Variants in KCNA2 observed in about 807,000 individuals in gnomAD.
KCNA2 encodes the protein potassium voltage-gated channel subfamily A member 2.
A neutral mutation model predicts 33.4 loss-of-function variants in KCNA2; 11 were observed. That is an observed-to-expected ratio of 0.33 (90% CI 0.21 to 0.55). KCNA2 has a LOEUF of 0.55. Among genes scored for constraint, KCNA2 ranks in the 20% least tolerant of loss-of-function variants. The pLI, the probability that KCNA2 is intolerant of heterozygous loss-of-function variation, is 0.93. For missense variants in KCNA2, 291 were observed against 621.6 expected, an observed-to-expected ratio of 0.47 and a Z score of 5.66; for synonymous variants, 222 against 231.3, an observed-to-expected ratio of 0.96 and a Z score of 0.37.
At position 110,604,639 on chromosome 1, in the gene KCNA2, T is replaced by C. The variant is rs369373711; in HGVS notation, c.144A>G (p.Leu48=). ...TCTCTGGAAACTGGGCTAAGGTCTTTAGCTGGGTCTCAAACCGCAGCCCTG... is the reference window on the plus strand; with the variant it reads ...TCTCTGGAAACTGGGCTAAGGTCTTCAGCTGGGTCTCAAACCGCAGCCCTG... The part of the protein sequence containing the change: ...NISGLRFETQ[L]KTLAQFPETL... Residue 48 remains leucine (L), a synonymous_variant, in exon 3 of 3, where the codon CTA becomes CTG. Coordinates refer to ENST00000316361, the MANE Select transcript of KCNA2 (RefSeq NM_004974.4). This position sits in a 1 kb window ranked among gnomAD's most constrained non-coding sequence, Gnocchi z 7.6. The C allele has an allele frequency of 3.1e-6, 5 of 1,614,094 alleles. No individual in the cohort carries two copies. In the African/African-American group the frequency reaches 6.7e-5, roughly 22 times the overall value.
rs114094767 is a variant in KCNA2 at position 110,620,849 on chromosome 1, G to C, written c.-496+10546C>G. Among the ~76,000 whole-genome samples the C allele has an allele frequency of 1.6e-3, 246 of 152,312 alleles. 1 individual carries two copies. The highest frequency in any genetic ancestry group is 5.6e-3 in the African/African-American group (232 of 41,568). On this transcript the variant is annotated intron_variant, in intron 1 of 4. Coordinates refer to the KCNA2 transcript ENST00000369770. Reference sequence around the variant, plus strand: ...AAACAAACTGCTCTTATTATGTAATGATGAGTGAGTGCGTCTATCCACCGT... The same window carrying C: ...AAACAAACTGCTCTTATTATGTAATCATGAGTGAGTGCGTCTATCCACCGT...
rs1648991558 is a variant in KCNA2, at chr1:110,594,264, T to TG, written c.*9018dup. On this transcript the variant is annotated 3_prime_UTR_variant, in exon 3 of 3. Coordinates refer to ENST00000316361, the MANE Select transcript of KCNA2 (RefSeq NM_004974.4). ...TCTGTGCTGCATGAGCCTAAGTGAG[T>TG]GGCGGCCATTTCCTCTCTCTCTCTC... The TG allele has an allele frequency of 1.0e-6, 1 of 1,002,120 alleles. No individual in the cohort carries two copies. Among genetic ancestry groups the TG allele is most frequent in the East Asian group, 1.0e-4 (1 of 9,624 alleles). 62.1% of individuals were successfully genotyped at this position (1,002,120 alleles called of 1,614,324 possible). A position where few individuals can be genotyped will look rare whatever the true frequency, so the allele number is the denominator to read the frequency against.
intron 1 of KCNA2, among the ~76,000 whole-genome samples, chr1:110,623,279 C>A (rs1247710871): frequency 6.6e-6 from 1 of 152,120 alleles, no homozygotes; most frequent in African/African-American, 2.4e-5. Context: ...GTACATAGAC[C>A]TTTTCCTAAT....
At chr1:110,622,693 C>G (rs1290628752) in intron 1 of KCNA2, among the ~76,000 whole-genome samples, 3 of 151,984 alleles carry the variant, frequency 2.0e-5, no homozygotes, top group African/African-American at 7.2e-5. Context: ...TTTCTAAATA[C>G]AACAAACAAT....
In KCNA2 at chr1:110,602,959, T is replaced by C; in HGVS notation, c.*324A>G. On this transcript the variant is annotated 3_prime_UTR_variant, in exon 3 of 3. Coordinates refer to ENST00000316361, the MANE Select transcript of KCNA2 (RefSeq NM_004974.4). ...GTGCATCTCTTGGATGTTGTGTGCA[T>C]TTCATTAGGAAGGAATGATGGCACT... 2 of 1,099,168 alleles carry C rather than the reference T, an allele frequency of 1.8e-6. No individual in the cohort carries two copies. The highest frequency in any genetic ancestry group is 1.1e-6 in the Non-Finnish European group (1 of 903,846). 68.1% of individuals were successfully genotyped at this position (1,099,168 alleles called of 1,614,324 possible).
chr1:110,596,343 A>G lies in KCNA2; in HGVS notation c.*6940T>C. The G allele has an allele frequency of 2.6e-6, 1 of 386,268 alleles. No homozygotes were observed. The highest frequency in any genetic ancestry group is 3.5e-6 in the Non-Finnish European group (1 of 283,658). The allele number at this position is 386,268 out of a possible 1,614,324, so 23.9% of individuals were successfully genotyped here. A position where few individuals can be genotyped will look rare whatever the true frequency, so the allele number is the denominator to read the frequency against. ...ATACATATATACATATACTATATAT[A>G]TATATATACACACATAAATATATGT... On this transcript the variant is annotated 3_prime_UTR_variant, in exon 3 of 3. Coordinates refer to ENST00000316361, the MANE Select transcript of KCNA2 (RefSeq NM_004974.4).
intron 1 of KCNA2, among the ~76,000 whole-genome samples, chr1:110,613,559 C>T (rs2101438426): frequency 6.6e-6 from 1 of 152,272 alleles, no homozygotes; most frequent in Admixed American, 6.5e-5. Context: ...ACTTGAGTTG[C>T]CACAGGGCCA....
At chr1:110,611,724 T>G (rs2101432903) in intron 1 of KCNA2, among the ~76,000 whole-genome samples, 1 of 125,432 alleles carries the variant, frequency 8.0e-6, no homozygotes, top group Middle Eastern at 3.8e-3. Context: ...AGATCCTGTC[T>G]TGAAAAAAAA....
rs1014443817 is a variant in KCNA2 at position 110,600,546 on chromosome 1, C to T, written c.*2737G>A. 2.2e-5 allele frequency: 22 copies of T among 985,012 alleles called. No homozygotes were observed. Among genetic ancestry groups the T allele is most frequent in the East Asian group, 2.3e-4 (2 of 8,818 alleles). The allele number at this position is 985,012 out of a possible 1,614,324, so 61.0% of individuals were successfully genotyped here. A position where few individuals can be genotyped will look rare whatever the true frequency, so the allele number is the denominator to read the frequency against. ...TAACCTGGTCTGTCTGTATTTTGCA[C>T]GTTACATGTTTTATGTTTGTGTGTG... On this transcript the variant is annotated 3_prime_UTR_variant, in exon 3 of 3. Coordinates refer to ENST00000316361, the MANE Select transcript of KCNA2 (RefSeq NM_004974.4).
chr1:110,617,954 G>A (rs1054235709), intron 1 of KCNA2, among the ~76,000 whole-genome samples: 2 of 152,136 alleles, frequency 1.3e-5, no homozygotes, highest in African/African-American at 2.4e-5. Context: ...TAGAGGGTAG[G>A]GAATGGAGAG....
chr1:110,630,494 G>A (rs74120010), intron 1 of KCNA2, among the ~76,000 whole-genome samples: 6,179 of 152,220 alleles, frequency 0.041, 433 homozygotes, highest in African/African-American at 0.14. Flanking sequence ...ACACAGAATG[G>A]GTGCTCAGTA....
rs1011998288 is a variant in KCNA2, at chr1:110,602,293, T to A, written c.*990A>T. The A allele has an allele frequency of 2.0e-6, 3 of 1,482,042 alleles. No homozygotes were observed. Among genetic ancestry groups the A allele is most frequent in the Non-Finnish European group, 2.7e-6 (3 of 1,120,922 alleles). The allele number at this position is 1,482,042 out of a possible 1,614,324, so 91.8% of individuals were successfully genotyped here. On this transcript the variant is annotated 3_prime_UTR_variant, in exon 3 of 3. Coordinates refer to ENST00000316361, the MANE Select transcript of KCNA2 (RefSeq NM_004974.4). ...CTTCTGATGGGAAAAAAACCCCTAG[T>A]TCAAGACCATTCCAAGCCTATTAAT...
chr1:110,617,323 C>T (rs1023351463), intron 1 of KCNA2, among the ~76,000 whole-genome samples: 3 of 152,160 alleles, frequency 2.0e-5, no homozygotes, highest in Non-Finnish European at 2.9e-5. Flanking sequence ...AGGGACTCTG[C>T]GCCAGATGGA....
chr1:110,612,937 A>C (rs1326481532), intron 1 of KCNA2, among the ~76,000 whole-genome samples: 1 of 152,180 alleles, frequency 6.6e-6, no homozygotes, highest in African/African-American at 2.4e-5. Context: ...CTTGCCATTC[A>C]CATGACCTTA....
Position 110,604,051 on chromosome 1 carries a change from A to G in KCNA2, c.732T>C (p.Cys244=). The G allele has an allele frequency of 6.2e-7, 1 of 1,614,178 alleles. No individual in the cohort carries two copies. The highest frequency in any genetic ancestry group is 1.1e-5 in the South Asian group (1 of 91,062). ...SFEFLVRFFA[C]PSKAGFFTNI... ...TGGTGAAGAAGCCGGCTTTGCTGGGACAGGCAAAGAACCTCACCAAGAATT... is the reference window on the plus strand; with the variant it reads ...TGGTGAAGAAGCCGGCTTTGCTGGGGCAGGCAAAGAACCTCACCAAGAATT... The change falls in exon 3 of 3, where the codon TGT becomes TGC. Residue 244 remains cysteine, a synonymous_variant. Transcript: ENST00000316361. This position sits in a 1 kb window ranked among gnomAD's most constrained non-coding sequence, Gnocchi z 7.6.
chr1:110,615,546 A>G (rs1392062221), intron 1 of KCNA2, among the ~76,000 whole-genome samples: 2 of 152,234 alleles, frequency 1.3e-5, no homozygotes, highest in African/African-American at 4.8e-5. Flanking sequence ...GCTATTAGAA[A>G]GATTTTCTTT....
In KCNA2 at chr1:110,600,808, T is replaced by A. The variant is rs777075774; in HGVS notation, c.*2475A>T. The A allele has an allele frequency of 7.5e-5, 74 of 985,300 alleles. No homozygotes were observed. The highest frequency in any genetic ancestry group is 8.8e-5 in the Non-Finnish European group (73 of 829,946). The allele number at this position is 985,300 out of a possible 1,614,324, so 61.0% of individuals were successfully genotyped here. A position where few individuals can be genotyped will look rare whatever the true frequency, so the allele number is the denominator to read the frequency against. On this transcript the variant is annotated 3_prime_UTR_variant, in exon 3 of 3. Coordinates refer to ENST00000316361, the MANE Select transcript of KCNA2 (RefSeq NM_004974.4). ...CAGAGGCTTTGTGCTGGGCATGGGA[T>A]GCCCTGCAGATACCTGGGGATGTGG...
rs1649200012 is a variant in KCNA2, at chr1:110,598,549, A to G, written c.*4734T>C. ...AGATCCAGGAAGAATAGGTAGAACA[A>G]GCTAGTCCTGGGCCCTCCCAACACG... is the stretch of plus-strand genomic sequence containing the variant. On this transcript the variant is annotated 3_prime_UTR_variant, in exon 3 of 3. Coordinates refer to ENST00000316361, the MANE Select transcript of KCNA2 (RefSeq NM_004974.4). 1 of 985,384 alleles carries G rather than the reference A, an allele frequency of 1.0e-6. No homozygotes were observed. Among genetic ancestry groups the G allele is most frequent in the Non-Finnish European group, 1.2e-6 (1 of 829,938 alleles). The allele number at this position is 985,384 out of a possible 1,614,324, so 61.0% of individuals were successfully genotyped here. A position where few individuals can be genotyped will look rare whatever the true frequency, so the allele number is the denominator to read the frequency against.
At chr1:110,609,480 G>T (rs777804006), upstream of KCNA2, among the ~76,000 whole-genome samples, 2 of 152,148 alleles carry the variant, frequency 1.3e-5, no homozygotes, top group African/African-American at 2.4e-5. Flanking sequence ...ACCTGCCTGA[G>T]GTTAATAAAT....
Sources: allele counts gnomAD v4.1 joint callset (sites outside exome capture counted in the v4.1 genomes callset), GRCh38; gene constraint gnomAD v4.1.1; non-coding constraint Gnocchi (gnomAD v3.1); transcripts MANE v1.5; gene names NCBI Gene and HGNC (gene_info 2026-07-23, HGNC 2026-07-21).